The following APOOL variants were observed in gnomAD, a reference collection of about 807,000 sequenced individuals.
The protein encoded by APOOL is MICOS complex subunit MIC27.
A neutral mutation model predicts 23.1 loss-of-function variants in APOOL; 12 were observed. The observed-to-expected ratio is 0.52, with a 90% CI of 0.33 to 0.84. The LOEUF is 0.84. Ranked by LOEUF, APOOL falls within the 40% of genes least tolerant of loss-of-function variation. The pLI is 0.02. For missense variants in APOOL, 212 were observed against 199.6 expected (o/e 1.06, Z -0.37); for synonymous variants, 77 against 69.9 (o/e 1.10, Z -0.51).
chrX:85,043,596 AT>A (rs1569456162), intron 1 of APOOL, among the ~76,000 whole-genome samples: 1 of 111,453 alleles, frequency 9.0e-6, no homozygotes, highest in Non-Finnish European at 1.9e-5. Flanking sequence ...TTTTTCAGAA[AT>A]TTTCAATGTG....
intron 1 of APOOL, among the ~76,000 whole-genome samples, chrX:85,026,174 T>C (rs1433267910): frequency 3.5e-5 from 4 of 113,637 alleles, no homozygotes; most frequent in African/African-American, 6.4e-5. Flanking sequence ...CCAAGACTTA[T>C]GTCTTGCATT....
chrX:85,082,401 T>C (rs1924138536), intron 8 of APOOL, among the ~76,000 whole-genome samples: 1 of 111,105 alleles, frequency 9.0e-6, no homozygotes, highest in Admixed American at 9.7e-5. Context: ...AGACCGTGTT[T>C]GCTTGGGTAT....
chrX:85,034,322 A>AT (rs1922140382), intron 1 of APOOL, among the ~76,000 whole-genome samples: 1 of 111,881 alleles, frequency 8.9e-6, no homozygotes, highest in Admixed American at 9.5e-5. Flanking sequence ...TAGAAGTAAT[A>AT]AAACCGATTA....
In APOOL at chrX:85,054,334, T is replaced by G. The variant is rs752423083; in HGVS notation, c.241-10T>G. The G allele has an allele frequency of 3.6e-5, 42 of 1,177,566 alleles. No individual in the cohort carries two copies. In the Admixed American group the frequency reaches 1.0e-3, roughly 29 times the overall value. On this transcript the variant is annotated splice_polypyrimidine_tract_variant and intron_variant, in intron 3 of 8. Coordinates refer to ENST00000373173, the MANE Select transcript of APOOL (RefSeq NM_198450.6). ...ATGCAGATGTCTTCCCCCCCTTTTT[T>G]TTTGCTTAGGGTGTTTATGTCTTTG... is the stretch of plus-strand genomic sequence containing the variant.
intron 6 of APOOL, among the ~76,000 whole-genome samples, chrX:85,072,925 G>A (rs1204885530): frequency 9.0e-6 from 1 of 111,496 alleles, no homozygotes; most frequent in Non-Finnish European, 1.9e-5. Flanking sequence ...CAAATTAGTG[G>A]TTCATCATGG....
rs1408328880 is a variant in APOOL at position 85,089,350 on chromosome X, G to A, written c.*1672G>A. On this transcript the variant is annotated 3_prime_UTR_variant, in exon 9 of 9. Coordinates refer to ENST00000373173, the MANE Select transcript of APOOL (RefSeq NM_198450.6). ...AACTCCTGAGCTCAAGCATCTGTCC[G>A]ACTCAGCCTACCACAGTGTTGGGAT... The A allele has an allele frequency of 2.7e-5, 3 of 112,057 alleles. No homozygotes were observed. Among genetic ancestry groups the A allele is most frequent in the Non-Finnish European group, 5.6e-5 (3 of 53,202 alleles). 9.2% of individuals were successfully genotyped at this position (112,057 alleles called of 1,213,427 possible). A position where few individuals can be genotyped will look rare whatever the true frequency, so the allele number is the denominator to read the frequency against.
chrX:85,079,041 G>A (rs1324842062), intron 8 of APOOL, among the ~76,000 whole-genome samples: 1 of 111,415 alleles, frequency 9.0e-6, no homozygotes. Context: ...TGCAAACAGG[G>A]ACAATTTGAC....
At chrX:85,059,828 G>T (rs1373042454) in intron 5 of APOOL, among the ~76,000 whole-genome samples, 1 of 110,917 alleles carries the variant, frequency 9.0e-6, no homozygotes, top group Non-Finnish European at 1.9e-5. Flanking sequence ...TCTGTAGGTT[G>T]CCTGTTCACT....
chrX:85,016,958 C>G (rs775282180), intron 1 of APOOL, among the ~76,000 whole-genome samples: 4 of 112,395 alleles, frequency 3.6e-5, no homozygotes, highest in African/African-American at 1.3e-4. Flanking sequence ...GTAACACATT[C>G]AAGATAACAC....
chrX:85,028,311 AT>A (rs1921910208), intron 1 of APOOL, among the ~76,000 whole-genome samples: 1 of 111,823 alleles, frequency 8.9e-6, no homozygotes, highest in Non-Finnish European at 1.9e-5. Flanking sequence ...TTGAAAGCCA[AT>A]AATGGCTATG....
intron 2 of APOOL, among the ~76,000 whole-genome samples, chrX:85,050,682 T>C (rs1158668405): frequency 9.1e-6 from 1 of 110,165 alleles, no homozygotes; most frequent in Non-Finnish European, 1.9e-5. Context: ...CTTTTGTGTA[T>C]GTTTGTTTTT....
chrX:85,065,531 A>G (rs759954935), intron 5 of APOOL, among the ~76,000 whole-genome samples: 2 of 111,235 alleles, frequency 1.8e-5, no homozygotes, highest in South Asian at 7.6e-4. Context: ...TTTCCTTTCC[A>G]TGTTTAGTGC....
At chrX:85,050,994 T>C (rs1396131252) in intron 2 of APOOL, among the ~76,000 whole-genome samples, 2 of 111,312 alleles carry the variant, frequency 1.8e-5, no homozygotes, top group Admixed American at 9.7e-5. Flanking sequence ...TTTTTATATT[T>C]ACCCCCTAAT....
chrX:85,077,302 C>T (rs1923896127), intron 8 of APOOL, among the ~76,000 whole-genome samples: 1 of 106,782 alleles, frequency 9.4e-6, no homozygotes, highest in South Asian at 4.2e-4. Flanking sequence ...GTTCCCCACC[C>T]TGTGTACAAG....
intron 1 of APOOL, among the ~76,000 whole-genome samples, chrX:85,024,090 A>G (rs989865880): frequency 9.0e-6 from 1 of 111,654 alleles, no homozygotes; most frequent in African/African-American, 3.3e-5. Flanking sequence ...CTTTAGGCCT[A>G]GATTTCTAGG....
At position 85,070,615 on chromosome X, in the gene APOOL, A is replaced by G. The variant is rs189680218; in HGVS notation, c.487-3383A>G. Reference sequence around the variant, plus strand: ...GAATATATTCAAGGTGTACAACATGATGATTTGACATACATATACATTGTG... The same window carrying G: ...GAATATATTCAAGGTGTACAACATGGTGATTTGACATACATATACATTGTG... On this transcript the variant is annotated intron_variant, in intron 6 of 8. Coordinates refer to ENST00000373173, the MANE Select transcript of APOOL (RefSeq NM_198450.6). 6.0e-3 allele frequency among the ~76,000 whole-genome samples: 670 copies of G among 111,679 alleles called. 5 individuals are homozygous for G. Among genetic ancestry groups the G allele is most frequent in the African/African-American group, 0.021 (635 of 30,831 alleles).
chrX:85,033,090 A>G (rs750723264), intron 1 of APOOL, among the ~76,000 whole-genome samples: 19 of 112,064 alleles, frequency 1.7e-4, no homozygotes, highest in Non-Finnish European at 3.2e-4. Flanking sequence ...TTTTTCTTCC[A>G]TAATTGTGAA....
chrX:85,069,387 G>A (rs1317885445), intron 6 of APOOL, among the ~76,000 whole-genome samples: 1 of 110,143 alleles, frequency 9.1e-6, no homozygotes, highest in East Asian at 2.8e-4. Context: ...AATTTTACTT[G>A]AAATTAAAAC....
chrX:85,072,123 A>T (rs1196699798), intron 6 of APOOL, among the ~76,000 whole-genome samples: 1 of 111,898 alleles, frequency 8.9e-6, no homozygotes, highest in African/African-American at 3.2e-5. Context: ...AAAACAAACA[A>T]AAAAAAGAAC....
Sources: allele counts gnomAD v4.1 joint callset (sites outside exome capture counted in the v4.1 genomes callset), GRCh38; gene constraint gnomAD v4.1.1; transcripts MANE v1.5; gene names NCBI Gene and HGNC (gene_info 2026-07-23, HGNC 2026-07-21).